Variants in KCNIP1 observed in about 807,000 individuals in gnomAD.
KCNIP1 encodes the protein A-type potassium channel modulatory protein KCNIP1.
A neutral mutation model predicts 33.0 loss-of-function variants in KCNIP1; 18 were observed. The ratio of observed to expected loss-of-function variants is 0.55; its 90% CI spans 0.38 to 0.81. The LOEUF (loss-of-function observed/expected upper bound fraction) is 0.81, where lower values mean the gene tolerates loss of function less well. KCNIP1 is among the 30% of genes least tolerant of loss of function. The probability of loss-of-function intolerance (pLI) is 0.00; values close to 1 mark genes in which losing one functional copy is unlikely to be tolerated. For synonymous variants in KCNIP1, 93 were observed against 98.3 expected (o/e 0.95, Z 0.32); for missense variants, 238 against 271.6 (o/e 0.88, Z 0.87).
chr5:170,680,271 C>A (rs1310593192), intron 1 of KCNIP1, among the ~76,000 whole-genome samples: 3 of 152,164 alleles, frequency 2.0e-5, no homozygotes, highest in Non-Finnish European at 4.4e-5. Context: ...CCCCACCAGG[C>A]TCACTGCTGA....
chr5:170,617,780 A>C (rs1422822768), intron 1 of KCNIP1, among the ~76,000 whole-genome samples: 1 of 152,150 alleles, frequency 6.6e-6, no homozygotes, highest in Admixed American at 6.5e-5. Flanking sequence ...TTTATGACCC[A>C]CCTACAGTTC....
chr5:170,496,481 A>G (rs1260750302), intron 1 of KCNIP1, among the ~76,000 whole-genome samples: 3 of 152,176 alleles, frequency 2.0e-5, no homozygotes, highest in Admixed American at 6.5e-5. Context: ...TGCCTCATCT[A>G]TAAAACAGGA....
chr5:170,378,369 G>A (rs1764091049), intron 1 of KCNIP1: 1 of 236,298 alleles, frequency 4.2e-6, no homozygotes, highest in Admixed American at 5.2e-5. Context: ...GGAGAACTCA[G>A]GCACAGAGGT....
chr5:170,639,300 G>A (rs1311453692), intron 1 of KCNIP1: 2 of 152,180 alleles, frequency 1.3e-5, no homozygotes, highest in East Asian at 3.9e-4. Flanking sequence ...ACCCAGCCCT[G>A]AGACTGGCTC....
intron 1 of KCNIP1, among the ~76,000 whole-genome samples, chr5:170,447,080 T>C (rs1298596196): frequency 6.8e-6 from 1 of 146,232 alleles, no homozygotes; most frequent in Non-Finnish European, 1.5e-5. Flanking sequence ...ATATTCCTCA[T>C]GCCTGGCATC....
chr5:170,441,087 TGTG>T (rs1370569508), intron 1 of KCNIP1, among the ~76,000 whole-genome samples: 6 of 152,208 alleles, frequency 3.9e-5, no homozygotes, highest in Non-Finnish European at 7.3e-5. Context: ...CATGCTCAGG[TGTG>T]TAAGAAACAT....
rs1219947939 is a variant in KCNIP1 at position 170,362,004 on chromosome 5, C to G, written c.88+8040C>G. ...CTTCATCTCTAAAATGAAGGAGCTG[C>G]TGATTTCAAAGGCCTCTTTCAGCTT... On this transcript the variant is annotated intron_variant, in intron 1 of 7. Coordinates refer to the KCNIP1 transcript ENST00000377360. Among the ~76,000 whole-genome samples, 3 of 152,170 alleles carry G rather than the reference C, an allele frequency of 2.0e-5. No individual in the cohort carries two copies. The East Asian group carries it at 5.8e-4, about 29-fold the overall frequency.
intron 1 of KCNIP1, among the ~76,000 whole-genome samples, chr5:170,658,933 C>A (rs570934447): frequency 6.6e-6 from 1 of 152,274 alleles, no homozygotes; most frequent in African/African-American, 2.4e-5. Context: ...AGCCTCACAG[C>A]TGACAGATCA....
At chr5:170,435,991 A>G (rs1308804677) in intron 1 of KCNIP1, among the ~76,000 whole-genome samples, 1 of 152,020 alleles carries the variant, frequency 6.6e-6, no homozygotes, top group African/African-American at 2.4e-5. Flanking sequence ...ATTCCTGCCC[A>G]CCATGCCCAA....
chr5:170,646,397 C>G (rs1760787100), intron 1 of KCNIP1, among the ~76,000 whole-genome samples: 2 of 152,158 alleles, frequency 1.3e-5, no homozygotes, highest in South Asian at 4.1e-4. Context: ...TAAGCCATGA[C>G]CAAGTGAGAT....
intron 1 of KCNIP1, among the ~76,000 whole-genome samples, chr5:170,706,873 T>C (rs1051321614): frequency 6.6e-6 from 1 of 152,076 alleles, no homozygotes; most frequent in African/African-American, 2.4e-5. Context: ...TCCTCTTATA[T>C]CCCGCAGAAA....
intron 1 of KCNIP1, among the ~76,000 whole-genome samples, chr5:170,484,982 C>T (rs1358912134): frequency 2.0e-5 from 3 of 147,836 alleles, no homozygotes; most frequent in African/African-American, 7.5e-5. Flanking sequence ...CTCTTGTTGC[C>T]CAGGCTGGAG....
At chr5:170,427,604 C>A (rs1344147530) in intron 1 of KCNIP1, among the ~76,000 whole-genome samples, 1 of 152,170 alleles carries the variant, frequency 6.6e-6, no homozygotes, top group Non-Finnish European at 1.5e-5. Flanking sequence ...GGGTTCCCAG[C>A]CAATGCAAAC....
intron 1 of KCNIP1, chr5:170,642,108 G>A (rs1760587145): frequency 6.6e-6 from 1 of 152,334 alleles, no homozygotes; most frequent in African/African-American, 2.4e-5. Context: ...GGCTTCTGAA[G>A]CGACATTTGA....
chr5:170,523,515 A>G (rs1755449108), intron 1 of KCNIP1, among the ~76,000 whole-genome samples: 1 of 152,170 alleles, frequency 6.6e-6, no homozygotes. Context: ...CCTCCTCCTA[A>G]GACTCCTACC....
intron 1 of KCNIP1, among the ~76,000 whole-genome samples, chr5:170,690,384 A>C (rs1312956219): frequency 2.0e-5 from 3 of 152,204 alleles, no homozygotes; most frequent in African/African-American, 7.2e-5. Flanking sequence ...TATTTACAGA[A>C]GCTTGTTATT....
At chr5:170,597,784 AATATATATATATATATATATATAT>A (rs10525595) in intron 1 of KCNIP1, among the ~76,000 whole-genome samples, 36,832 of 134,210 alleles carry the variant, frequency 0.27, 5,797 homozygotes, top group Middle Eastern at 0.41. Flanking sequence ...GAGAGAGATA[AATATATATATATATATATATATAT>A]ATATATATAT....
At chr5:170,622,640 G>T (rs74336312) in intron 1 of KCNIP1, among the ~76,000 whole-genome samples, 1 of 113,614 alleles carries the variant, frequency 8.8e-6, no homozygotes, top group Non-Finnish European at 1.8e-5. Flanking sequence ...AAAAAAAAAA[G>T]AGTGGATACA....
chr5:170,689,913 C>A (rs1209113938), intron 1 of KCNIP1, among the ~76,000 whole-genome samples: 2 of 152,132 alleles, frequency 1.3e-5, no homozygotes, highest in Non-Finnish European at 2.9e-5. Flanking sequence ...AAATCAGGCC[C>A]CCCTCTTATT....
Sources: allele counts gnomAD v4.1 joint callset (sites outside exome capture counted in the v4.1 genomes callset), GRCh38; gene constraint gnomAD v4.1.1; transcripts MANE v1.5; gene names NCBI Gene and HGNC (gene_info 2026-07-23, HGNC 2026-07-21).